GPR158: variants seen among roughly 807,000 people sequenced by gnomAD.
GPR158 encodes the protein metabotropic glycine receptor.
A neutral mutation model predicts 78.2 loss-of-function variants in GPR158; 30 were observed. The ratio of observed to expected loss-of-function variants is 0.38; its 90% CI spans 0.29 to 0.52. GPR158 has a LOEUF of 0.52. GPR158 is among the 20% of genes least tolerant of loss of function. The pLI, the probability that GPR158 is intolerant of heterozygous loss-of-function variation, is 0.83. For synonymous variants in GPR158, 581 were observed against 591.1 expected (o/e 0.98, Z 0.25); for missense variants, 1,463 against 1,523.5 (o/e 0.96, Z 0.66).
intron 2 of GPR158, among the ~76,000 whole-genome samples, chr10:25,237,378 T>C (rs1377218091): frequency 2.0e-5 from 3 of 152,218 alleles, no homozygotes; most frequent in Non-Finnish European, 4.4e-5. Flanking sequence ...TTGCAAGCAG[T>C]CCTAATTAAA....
intron 4 of GPR158, among the ~76,000 whole-genome samples, chr10:25,417,593 G>A (rs531943652): frequency 1.5e-4 from 23 of 152,186 alleles, no homozygotes; most frequent in African/African-American, 3.9e-4. Context: ...TTTTCAAAAG[G>A]TATTCACTGA....
intron 5 of GPR158, among the ~76,000 whole-genome samples, chr10:25,506,139 A>G (rs1266893576): frequency 1.3e-5 from 2 of 152,242 alleles, no homozygotes; most frequent in African/African-American, 4.8e-5. Context: ...TAAGTGCTAT[A>G]ATCCCACCAT....
intron 2 of GPR158, among the ~76,000 whole-genome samples, chr10:25,239,302 G>A (rs1470144347): frequency 6.6e-6 from 1 of 152,102 alleles, no homozygotes; most frequent in African/African-American, 2.4e-5. Flanking sequence ...TTGACCAGCT[G>A]TGATTAAAAC....
At chr10:25,222,907 A>T (rs1474201328) in intron 2 of GPR158, among the ~76,000 whole-genome samples, 1 of 152,124 alleles carries the variant, frequency 6.6e-6, no homozygotes, top group Non-Finnish European at 1.5e-5. Context: ...TGCTTCTAAT[A>T]ATCATGGTGT....
At chr10:25,224,336 A>G (rs1853343116) in intron 2 of GPR158, among the ~76,000 whole-genome samples, 1 of 151,998 alleles carries the variant, frequency 6.6e-6, no homozygotes, top group African/African-American at 2.4e-5. Flanking sequence ...GTTATATTCC[A>G]TTAGTAAATA....
At chr10:25,191,070 C>G (rs1852765762) in intron 1 of GPR158, among the ~76,000 whole-genome samples, 1 of 152,122 alleles carries the variant, frequency 6.6e-6, no homozygotes, top group Admixed American at 6.6e-5. Context: ...AATACAGTCC[C>G]CTGAAAGTTA....
chr10:25,319,061 G>A (rs1483859809), intron 2 of GPR158, among the ~76,000 whole-genome samples: 1 of 152,144 alleles, frequency 6.6e-6, no homozygotes, highest in Non-Finnish European at 1.5e-5. Context: ...CTACTTGACT[G>A]GTCCAGACTT....
intron 4 of GPR158, among the ~76,000 whole-genome samples, chr10:25,464,333 C>G (rs1835394863): frequency 6.6e-6 from 1 of 152,150 alleles, no homozygotes; most frequent in Non-Finnish European, 1.5e-5. Flanking sequence ...AGCATGACCA[C>G]AGCCCTGGGA....
intron 5 of GPR158, among the ~76,000 whole-genome samples, chr10:25,532,753 A>AAAAT (rs57926993): frequency 6.6e-6 from 1 of 151,624 alleles, no homozygotes; most frequent in African/African-American, 2.4e-5. Flanking sequence ...AAAAAAAAAA[A>AAAAT]TACCAAAGCA....
rs147705665 is a variant in GPR158 at position 25,522,751 on chromosome 10, T to G, written c.1405-28225T>G. Reference sequence around the variant, plus strand: ...TACTGGATGGCTTTATGTCAGACTTTTTAGTGCTTGCCTCTAGAGAAAGTA... The same window carrying G: ...TACTGGATGGCTTTATGTCAGACTTGTTAGTGCTTGCCTCTAGAGAAAGTA... On this transcript the variant is annotated intron_variant, in intron 5 of 10. Coordinates refer to ENST00000376351, the MANE Select transcript of GPR158 (RefSeq NM_020752.3). Among the ~76,000 whole-genome samples the G allele has an allele frequency of 2.1e-3, 322 of 152,288 alleles. 2 individuals are homozygous for G. The highest frequency in any genetic ancestry group is 7.4e-3 in the African/African-American group (309 of 41,562).
In GPR158 at chr10:25,373,548, A is replaced by G. The variant is rs1049997916; in HGVS notation, c.1009-22363A>G. Among the ~76,000 whole-genome samples the G allele has an allele frequency of 5.9e-5, 9 of 152,022 alleles. No homozygotes were observed. In the South Asian group the frequency reaches 6.2e-4, roughly 10 times the overall value. On this transcript the variant is annotated intron_variant, in intron 2 of 10. Transcript: ENST00000376351. ...ATTGTTTTCAGTCTTCCTTTGTAGTATATGAATTTAGGGCGATAAATTTCT... is the reference window on the plus strand; with the variant it reads ...ATTGTTTTCAGTCTTCCTTTGTAGTGTATGAATTTAGGGCGATAAATTTCT...
intron 5 of GPR158, among the ~76,000 whole-genome samples, chr10:25,549,040 G>A (rs755012121): frequency 2.6e-5 from 4 of 152,118 alleles, no homozygotes; most frequent in South Asian, 2.1e-4. Flanking sequence ...TAGAGAAAGC[G>A]TGGTGGATAA....
chr10:25,333,659 A>C (rs1348968059), intron 2 of GPR158, among the ~76,000 whole-genome samples: 1 of 152,170 alleles, frequency 6.6e-6, no homozygotes, highest in East Asian at 1.9e-4. Flanking sequence ...GAGGAAAAGA[A>C]TCATTATTTC....
Position 25,456,150 on chromosome 10 carries a change from T to C in GPR158, c.1336-10501T>C, listed in dbSNP as rs529998792. Among the ~76,000 whole-genome samples the C allele has an allele frequency of 2.0e-5, 3 of 152,192 alleles. No individual in the cohort carries two copies. The South Asian group carries it at 6.2e-4, about 32-fold the overall frequency. ...CTGCTATTTTAAATTTCTGAACTGC[T>C]TCCTCTTCTTGCAAATAGGGGGCAT... On this transcript the variant is annotated intron_variant, in intron 4 of 10. Coordinates refer to ENST00000376351, the MANE Select transcript of GPR158 (RefSeq NM_020752.3).
chr10:25,249,605 G>A (rs1853760680), intron 2 of GPR158, among the ~76,000 whole-genome samples: 1 of 151,574 alleles, frequency 6.6e-6, no homozygotes, highest in Admixed American at 6.6e-5. Context: ...TTTATATGCT[G>A]GATTACATTT....
chr10:25,299,489 G>A (rs1854561154), intron 2 of GPR158, among the ~76,000 whole-genome samples: 3 of 151,878 alleles, frequency 2.0e-5, no homozygotes, highest in East Asian at 1.9e-4. Flanking sequence ...GAAATCATAC[G>A]ATTCTTTTTT....
intron 2 of GPR158, among the ~76,000 whole-genome samples, chr10:25,359,293 T>C (rs1192607223): frequency 1.3e-5 from 2 of 152,126 alleles, no homozygotes; most frequent in Non-Finnish European, 2.9e-5. Context: ...AGTTCTGAGA[T>C]ACATGTGCAG....
chr10:25,360,994 T>C (rs1261366400), intron 2 of GPR158, among the ~76,000 whole-genome samples: 2 of 151,686 alleles, frequency 1.3e-5, no homozygotes, highest in Admixed American at 1.3e-4. Context: ...TGTAAGTGCG[T>C]TAATTATATT....
intron 2 of GPR158, among the ~76,000 whole-genome samples, chr10:25,329,558 C>A (rs548774911): frequency 1.4e-4 from 21 of 151,006 alleles, no homozygotes; most frequent in African/African-American, 4.6e-4. Context: ...CTCACTGTGA[C>A]TTTCCTGAGA....
Sources: gnomAD v4.1 joint callset for allele counts (sites outside exome capture counted in the v4.1 genomes callset) on GRCh38, gnomAD v4.1.1 for gene constraint, MANE v1.5 for transcripts, NCBI Gene and HGNC (gene_info 2026-07-23, HGNC 2026-07-21) for gene names.